Variants in TBCD observed in about 807,000 individuals in gnomAD.
TBCD encodes the protein tubulin folding cofactor D, also known as tubulin-specific chaperone D.
A neutral mutation model predicts 169.3 loss-of-function variants in TBCD; 105 were observed. The observed-to-expected ratio is 0.62, with a 90% CI of 0.53 to 0.73. The LOEUF (loss-of-function observed/expected upper bound fraction) is 0.73, where lower values mean the gene tolerates loss of function less well. Ranked by LOEUF, TBCD falls within the 30% of genes least tolerant of loss-of-function variation. TBCD has a pLI of 0.00. For missense variants in TBCD, 1,444 were observed against 1,600.1 expected, an observed-to-expected ratio of 0.90 and a Z score of 1.66; for synonymous variants, 700 against 643.9, an observed-to-expected ratio of 1.09 and a Z score of -1.32.
rs2062136598 is a variant in TBCD, at chr17:82,930,826, G to C, written c.3113+183G>C. 6.6e-6 allele frequency among the ~76,000 whole-genome samples: 1 copy of C among 152,208 alleles called. No individual in the cohort carries two copies. The highest frequency in any genetic ancestry group is 6.5e-5 in the Admixed American group (1 of 15,290). ...CCTGCAGCATATGGTTCTCCGGGCG[G>C]CCAGGCCTCAGCCCCTGCGCCTCCT... On this transcript the variant is annotated intron_variant, in intron 33 of 38. Coordinates refer to ENST00000355528, the MANE Select transcript of TBCD (RefSeq NM_005993.5). This position sits in a 1 kb window ranked among gnomAD's most constrained non-coding sequence, Gnocchi z 5.2.
At chr17:82,927,777 C>A in intron 29 of TBCD, 128 bp from the exon 30 acceptor site, 1 of 757,418 alleles carries the variant, frequency 1.3e-6, no homozygotes, top group Non-Finnish European at 2.2e-6. Context: ...TCCCTGGCAG[C>A]GTGCCTGGGC....
chr17:82,872,079 C>G (rs138476784), intron 14 of TBCD, among the ~76,000 whole-genome samples: 93 of 152,310 alleles, frequency 6.1e-4, no homozygotes, highest in African/African-American at 1.9e-3. Flanking sequence ...CCGGTTACTT[C>G]CCTGGGTGTG....
intron 13 of TBCD, among the ~76,000 whole-genome samples, chr17:82,866,757 C>T (rs1054696628): frequency 6.6e-6 from 1 of 152,222 alleles, no homozygotes; most frequent in Non-Finnish European, 1.5e-5. Context: ...CTCAGCCCTG[C>T]GGGAGCACAG....
intron 9 of TBCD, among the ~76,000 whole-genome samples, chr17:82,804,479 G>T (rs1329988129): frequency 6.6e-6 from 1 of 152,186 alleles, no homozygotes; most frequent in Non-Finnish European, 1.5e-5. Context: ...CCTGGTTAGG[G>T]TCTCTCCTGA....
chr17:82,794,311 C>T (rs1056794300), intron 7 of TBCD, among the ~76,000 whole-genome samples: 3 of 152,150 alleles, frequency 2.0e-5, no homozygotes, highest in African/African-American at 7.2e-5. Context: ...GGGTAGCCAT[C>T]GAAAGGTGGG....
chr17:82,862,689 A>T (rs1415497013), intron 13 of TBCD, among the ~76,000 whole-genome samples: 1 of 152,198 alleles, frequency 6.6e-6, no homozygotes, highest in African/African-American at 2.4e-5. Context: ...CGGGAGGGTG[A>T]TGCCCCGCCA....
At chr17:82,797,138 T>TA (rs1472800760) in intron 7 of TBCD, among the ~76,000 whole-genome samples, 2 of 152,218 alleles carry the variant, frequency 1.3e-5, no homozygotes, top group African/African-American at 4.8e-5. Flanking sequence ...AAGCAGAAGG[T>TA]AAAACCTCAG....
At chr17:82,752,686 C>T (rs951237402) in intron 1 of TBCD, among the ~76,000 whole-genome samples, 2 of 152,166 alleles carry the variant, frequency 1.3e-5, no homozygotes, top group African/African-American at 4.8e-5. Context: ...AGCCCTCCGT[C>T]CCCCGTCTCC....
chr17:82,812,329 G>GC (rs1177039698), intron 12 of TBCD, among the ~76,000 whole-genome samples: 1 of 152,140 alleles, frequency 6.6e-6, no homozygotes, highest in Non-Finnish European at 1.5e-5. Context: ...CTCGCCCGCC[G>GC]CCCCGTGTCA....
Position 82,929,165 on chromosome 17 carries a change from C to G in TBCD, c.2746C>G (p.Arg916Gly). ...VAQQASEKID[R>G]FRAHAASVFL... ...CCAGCAGGCCAGTGAGAAGATTGACCGTTTCCGTGCTCACGCCGCCAGCGT... is the reference window on the plus strand; with the variant it reads ...CCAGCAGGCCAGTGAGAAGATTGACGGTTTCCGTGCTCACGCCGCCAGCGT... The change falls in exon 31 of 39, where the codon CGT becomes GGT. Residue 916 changes from arginine (R) to glycine (G), a missense_variant. Coordinates refer to ENST00000355528, the MANE Select transcript of TBCD (RefSeq NM_005993.5). 1 of 1,613,504 alleles carries G rather than the reference C, an allele frequency of 6.2e-7. No homozygotes were observed. Among genetic ancestry groups the G allele is most frequent in the Non-Finnish European group, 8.5e-7 (1 of 1,179,874 alleles).
intron 13 of TBCD, among the ~76,000 whole-genome samples, chr17:82,866,160 C>T (rs958043162): frequency 2.0e-5 from 3 of 152,268 alleles, no homozygotes; most frequent in East Asian, 1.9e-4. Context: ...CGCCCCTCCC[C>T]GAGCTTTGTG....
chr17:82,804,545 G>A (rs892038654), intron 9 of TBCD, among the ~76,000 whole-genome samples: 1 of 152,238 alleles, frequency 6.6e-6, no homozygotes, highest in African/African-American at 2.4e-5. Context: ...CATTGCTGGG[G>A]GGTGTGCTTC....
At chr17:82,836,832 A>T (rs1181012134) in intron 13 of TBCD, among the ~76,000 whole-genome samples, 2 of 152,238 alleles carry the variant, frequency 1.3e-5, no homozygotes. Flanking sequence ...TAATTAGGGA[A>T]ATAATTGCTT....
At chr17:82,794,814 C>G (rs1050467511) in intron 7 of TBCD, among the ~76,000 whole-genome samples, 1 of 152,240 alleles carries the variant, frequency 6.6e-6, no homozygotes, top group Non-Finnish European at 1.5e-5. Flanking sequence ...GGGCTTTTCT[C>G]TGTGTGTGCT....
Position 82,840,953 on chromosome 17 carries a change from G to GTTTTTTTTTTTTTTTTTTTTTTTTTTT in TBCD, c.1318+26019_1318+26020insTTTTTTTTTTTTTTTTTTTTTTTTTTT, listed in dbSNP as rs755302623. Among the ~76,000 whole-genome samples, 12 of 70,554 alleles carry GTTTTTTTTTTTTTTTTTTTTTTTTTTT rather than the reference G, an allele frequency of 1.7e-4. 6 individuals carry two copies. Among genetic ancestry groups the GTTTTTTTTTTTTTTTTTTTTTTTTTTT allele is most frequent in the African/African-American group, 3.3e-4 (6 of 17,982 alleles). The allele number at this position is 70,554 out of a possible 152,430, so 46.3% of individuals were successfully genotyped here. A position where few individuals can be genotyped will look rare whatever the true frequency, so the allele number is the denominator to read the frequency against. On this transcript the variant is annotated intron_variant, in intron 13 of 38. Transcript: ENST00000355528. ...ACGAGCTGGCCAGGACAGACAAACT[G>GTTTTTTTTTTTTTTTTTTTTTTTTTTT]GTTTTTTTTTTTTTTTTTTTTTTTT...
At chr17:82,762,504 T>A (rs1336347186) in intron 2 of TBCD, among the ~76,000 whole-genome samples, 2 of 151,956 alleles carry the variant, frequency 1.3e-5, no homozygotes, top group East Asian at 3.9e-4. Flanking sequence ...ATTCTAGCAC[T>A]TTGGGAGACT....
intron 14 of TBCD, among the ~76,000 whole-genome samples, chr17:82,882,211 C>CCTCCA (rs1454744409): frequency 6.6e-6 from 1 of 152,246 alleles, no homozygotes; most frequent in African/African-American, 2.4e-5. Flanking sequence ...GCTGTGGGCT[C>CCTCCA]ACCTCTGTGG....
At chr17:82,783,006 C>T (rs915448807) in intron 7 of TBCD, among the ~76,000 whole-genome samples, 2 of 152,084 alleles carry the variant, frequency 1.3e-5, no homozygotes, top group Admixed American at 6.5e-5. Flanking sequence ...GCGGCGTCGT[C>T]TTCCTGTCTG....
Position 82,801,082 on chromosome 17 carries a change from G to A in TBCD, c.950+86G>A, listed in dbSNP as rs564460397. 2.7e-5 allele frequency: 38 copies of A among 1,405,228 alleles called. No individual in the cohort carries two copies. The African/African-American group carries it at 5.2e-4, about 19-fold the overall frequency. 87.0% of individuals were successfully genotyped at this position (1,405,228 alleles called of 1,614,324 possible). A position where few individuals can be genotyped will look rare whatever the true frequency, so the allele number is the denominator to read the frequency against. Reference sequence around the variant, plus strand: ...GGGCAGGCGCCATTGATGAGGGCGGGGCAGGTGCTGTTGGGGCAGGTGCTG... The same window carrying A: ...GGGCAGGCGCCATTGATGAGGGCGGAGCAGGTGCTGTTGGGGCAGGTGCTG... On this transcript the variant is annotated intron_variant, in intron 9 of 38. Transcript: ENST00000355528.
Sources: allele counts gnomAD v4.1 joint callset (sites outside exome capture counted in the v4.1 genomes callset), GRCh38; gene constraint gnomAD v4.1.1; non-coding constraint Gnocchi (gnomAD v3.1); transcripts MANE v1.5; gene names NCBI Gene and HGNC (gene_info 2026-07-23, HGNC 2026-07-21).